ACOXL: variants seen among roughly 807,000 people sequenced by gnomAD.
ACOXL encodes acyl-CoA oxidase like, also known as acyl-coenzyme A oxidase-like protein.
In ACOXL, 70 loss-of-function variants were observed where a neutral mutation model predicts 71.9. The ratio of observed to expected loss-of-function variants is 0.97; its 90% CI spans 0.80 to 1.19. The LOEUF (loss-of-function observed/expected upper bound fraction) is 1.19. Among genes scored for constraint, ACOXL ranks in the 50% most tolerant of loss-of-function variants. The probability of loss-of-function intolerance (pLI) is 0.00; values close to 1 mark genes in which losing one functional copy is unlikely to be tolerated. For synonymous variants in ACOXL, 253 were observed against 281.6 expected, an observed-to-expected ratio of 0.90 and a Z score of 1.02; for missense variants, 703 against 736.3, an observed-to-expected ratio of 0.95 and a Z score of 0.52.
intron 15 of ACOXL, among the ~76,000 whole-genome samples, chr2:111,032,879 C>T (rs996412897): frequency 2.0e-5 from 3 of 152,164 alleles, no homozygotes; most frequent in Non-Finnish European, 2.9e-5. Flanking sequence ...GTGTGGGAGC[C>T]GCCCTAGGAG....
At chr2:111,117,248 AAG>A (rs942034991) in intron 17 of ACOXL, among the ~76,000 whole-genome samples, 5 of 152,158 alleles carry the variant, frequency 3.3e-5, no homozygotes, top group East Asian at 1.9e-4. Context: ...AGGGGAGGCA[AAG>A]AGAGAGGAGC....
At chr2:110,866,774 G>A (rs1399250647) in intron 10 of ACOXL, among the ~76,000 whole-genome samples, 7 of 152,032 alleles carry the variant, frequency 4.6e-5, no homozygotes, top group African/African-American at 9.7e-5. Flanking sequence ...CTCACCCACC[G>A]CCCCATCTCC....
chr2:110,981,718 G>A (rs1275442864), intron 12 of ACOXL, among the ~76,000 whole-genome samples: 4 of 152,146 alleles, frequency 2.6e-5, no homozygotes, highest in Non-Finnish European at 5.9e-5. Context: ...CATAGTAAAG[G>A]GATCCACTTT....
intron 12 of ACOXL, among the ~76,000 whole-genome samples, chr2:110,981,166 C>T (rs2062692485): frequency 6.6e-6 from 1 of 152,170 alleles, no homozygotes; most frequent in African/African-American, 2.4e-5. Flanking sequence ...AGTTCGAGAC[C>T]AGCCTGGCCA....
chr2:110,773,497 T>G (rs1026675757), intron 2 of ACOXL, among the ~76,000 whole-genome samples: 5 of 152,170 alleles, frequency 3.3e-5, no homozygotes, highest in African/African-American at 1.2e-4. Context: ...CCCACCCTGT[T>G]GCCCACAACT....
In ACOXL at chr2:111,078,030, A is replaced by G. The variant is rs1322577091; in HGVS notation, c.1441-14835A>G. 2.6e-5 allele frequency among the ~76,000 whole-genome samples: 4 copies of G among 152,172 alleles called. No individual in the cohort carries two copies. In the East Asian group the frequency reaches 5.8e-4, roughly 22 times the overall value. On this transcript the variant is annotated intron_variant, in intron 16 of 17. Coordinates refer to ENST00000439055, the MANE Select transcript of ACOXL (RefSeq NM_001142807.4). The stretch of plus-strand genomic sequence containing the variant: ...TTTCTCCTCTCCTTCCGTGATTCCA[A>G]TGACATGAAGGTTAGACCTTTTGTT...
intron 10 of ACOXL, among the ~76,000 whole-genome samples, chr2:110,881,648 C>T (rs1696661413): frequency 6.6e-6 from 1 of 152,164 alleles, no homozygotes; most frequent in Admixed American, 6.5e-5. Flanking sequence ...TTTTCTCTCC[C>T]ATCGCCAGGT....
chr2:110,938,611 A>T (rs1023503594), intron 12 of ACOXL, among the ~76,000 whole-genome samples: 2 of 152,220 alleles, frequency 1.3e-5, no homozygotes, highest in African/African-American at 4.8e-5. Context: ...TATTCAGGAG[A>T]TAGCTGTGGA....
chr2:110,950,516 C>A (rs1348113451), intron 12 of ACOXL, among the ~76,000 whole-genome samples: 2 of 152,146 alleles, frequency 1.3e-5, no homozygotes, highest in Admixed American at 6.6e-5. Flanking sequence ...GAATAATGGA[C>A]AGAACTGGCA....
chr2:110,853,322 C>T (rs1461852111), intron 10 of ACOXL, among the ~76,000 whole-genome samples: 1 of 152,036 alleles, frequency 6.6e-6, no homozygotes, highest in Non-Finnish European at 1.5e-5. Flanking sequence ...ATTATCTGGC[C>T]CAAAATGGGA....
intron 10 of ACOXL, among the ~76,000 whole-genome samples, chr2:110,876,008 A>G (rs1695851426): frequency 6.6e-6 from 1 of 152,142 alleles, no homozygotes; most frequent in Non-Finnish European, 1.5e-5. Context: ...CTCAAAGAAA[A>G]GTGGGGAGCC....
At chr2:110,959,811 G>A (rs2061633522) in intron 12 of ACOXL, among the ~76,000 whole-genome samples, 1 of 152,166 alleles carries the variant, frequency 6.6e-6, no homozygotes, top group Non-Finnish European at 1.5e-5. Flanking sequence ...AGCGATGACT[G>A]CATATATCAT....
At chr2:111,058,383 T>C (rs2066649242) in intron 16 of ACOXL, among the ~76,000 whole-genome samples, 1 of 152,150 alleles carries the variant, frequency 6.6e-6, no homozygotes, top group Non-Finnish European at 1.5e-5. Context: ...GATCCCAGAC[T>C]TTTCAGCACA....
At chr2:110,796,463 C>T (rs1277249486) in intron 5 of ACOXL, among the ~76,000 whole-genome samples, 1 of 152,174 alleles carries the variant, frequency 6.6e-6, no homozygotes, top group Non-Finnish European at 1.5e-5. Flanking sequence ...CGAGTTTGGG[C>T]TGATGCAAAC....
At chr2:110,861,596 C>G (rs1300064391) in intron 10 of ACOXL, among the ~76,000 whole-genome samples, 1 of 137,168 alleles carries the variant, frequency 7.3e-6, no homozygotes, top group Non-Finnish European at 1.7e-5. Flanking sequence ...AATGGTGAAC[C>G]TTTAAATTCA....
intron 13 of ACOXL, among the ~76,000 whole-genome samples, chr2:110,991,454 A>G (rs1194114705): frequency 6.6e-6 from 1 of 152,100 alleles, no homozygotes; most frequent in Non-Finnish European, 1.5e-5. Flanking sequence ...TTATACTTTT[A>G]GAGAGCTTGT....
chr2:111,023,302 C>T (rs2064862219), intron 14 of ACOXL, among the ~76,000 whole-genome samples: 1 of 152,080 alleles, frequency 6.6e-6, no homozygotes, highest in Non-Finnish European at 1.5e-5. Flanking sequence ...GGGCTAGGTA[C>T]AAGGGGAGGA....
chr2:110,839,972 G>GTTTGTTGTTGTTGTTT (rs1358727143), intron 9 of ACOXL, among the ~76,000 whole-genome samples: 1 of 24,918 alleles, frequency 4.0e-5, no homozygotes, highest in Non-Finnish European at 1.1e-4. Context: ...TGATGCTTAG[G>GTTTGTTGTTGTTGTTT]TTTGTTGTTG....
In ACOXL at chr2:110,963,697, A is replaced by G. The variant is rs1456383311; in HGVS notation, c.1060-23411A>G. The G allele has an allele frequency of 1.9e-6, 3 of 1,613,848 alleles. 1 individual carries two copies. The Admixed American group carries it at 5.0e-5, about 27-fold the overall frequency. On this transcript the variant is annotated intron_variant, in intron 12 of 17. Transcript: ENST00000439055. Reference sequence around the variant, plus strand: ...GTGTTTGCCACTTTTGAAGGTGACGATGTTGTTATGCTTCAGGTAAGATTC... The same window carrying G: ...GTGTTTGCCACTTTTGAAGGTGACGGTGTTGTTATGCTTCAGGTAAGATTC...
Sources: allele counts gnomAD v4.1 joint callset (sites outside exome capture counted in the v4.1 genomes callset), GRCh38; gene constraint gnomAD v4.1.1; transcripts MANE v1.5; gene names NCBI Gene and HGNC (gene_info 2026-07-23, HGNC 2026-07-21).